Variants in SMYD3 observed in about 807,000 individuals in gnomAD.
The protein encoded by SMYD3 is histone-lysine N-methyltransferase SMYD3.
A neutral mutation model predicts 57.7 loss-of-function variants in SMYD3; 36 were observed. That is an observed-to-expected ratio of 0.62 (90% CI 0.48 to 0.82). SMYD3 has a LOEUF of 0.82. Ranked by LOEUF, SMYD3 falls within the 40% of genes least tolerant of loss-of-function variation. The pLI is 0.00. For synonymous variants in SMYD3, 211 were observed against 195.0 expected, an observed-to-expected ratio of 1.08 and a Z score of -0.68; for missense variants, 515 against 538.8, an observed-to-expected ratio of 0.96 and a Z score of 0.44.
intron 5 of SMYD3, among the ~76,000 whole-genome samples, chr1:245,961,254 G>C (rs529014990): frequency 6.6e-6 from 1 of 152,120 alleles, no homozygotes; most frequent in Non-Finnish European, 1.5e-5. Context: ...CTCATTTCTA[G>C]GAACATAATT....
At chr1:245,897,696 A>C (rs1441336099) in intron 8 of SMYD3, among the ~76,000 whole-genome samples, 3 of 152,140 alleles carry the variant, frequency 2.0e-5, no homozygotes, top group Non-Finnish European at 4.4e-5. Flanking sequence ...GGAGTTCGAG[A>C]CCAGCCTGGC....
chr1:245,749,877 T>C (rs1347146028), intron 11 of SMYD3, among the ~76,000 whole-genome samples: 1 of 152,172 alleles, frequency 6.6e-6, no homozygotes, highest in Non-Finnish European at 1.5e-5. Context: ...GCAGACTCAC[T>C]ATTCGAGTCA....
chr1:246,104,772 T>TA (rs139530900), intron 5 of SMYD3, among the ~76,000 whole-genome samples: 3,178 of 150,266 alleles, frequency 0.021, 134 homozygotes, highest in East Asian at 0.15. Flanking sequence ...CTCCCCATGA[T>TA]AAAAAAAAAA....
chr1:246,466,532 G>A (rs536998829), intron 1 of SMYD3, among the ~76,000 whole-genome samples: 10 of 152,184 alleles, frequency 6.6e-5, no homozygotes, highest in Non-Finnish European at 1.5e-4. Flanking sequence ...CTTGAGGGTG[G>A]AGGTTGGAAG....
At chr1:245,773,511 T>G (rs1176266461) in intron 10 of SMYD3, among the ~76,000 whole-genome samples, 1 of 152,224 alleles carries the variant, frequency 6.6e-6, no homozygotes, top group African/African-American at 2.4e-5. Context: ...AGGGGCTGTG[T>G]GGATGGCCCT....
rs572265720 is a variant in SMYD3 at position 245,789,764 on chromosome 1, A to G, written c.1077-25615T>C. 1.8e-4 allele frequency among the ~76,000 whole-genome samples: 27 copies of G among 152,330 alleles called. No individual in the cohort carries two copies. The South Asian group carries it at 5.4e-3, about 30-fold the overall frequency. On this transcript the variant is annotated intron_variant, in intron 10 of 11. Transcript: ENST00000490107. ...AACATTGTTGGGACAAAGATGGTCTATGGGTTAATGGATTTCCCTGCTCAG... is the reference window on the plus strand; with the variant it reads ...AACATTGTTGGGACAAAGATGGTCTGTGGGTTAATGGATTTCCCTGCTCAG...
chr1:246,323,908 T>C (rs1016021995), intron 5 of SMYD3, among the ~76,000 whole-genome samples: 30 of 150,546 alleles, frequency 2.0e-4, no homozygotes, highest in East Asian at 3.8e-4. Context: ...AGAAAGAACA[T>C]CTGTGTGAAC....
intron 5 of SMYD3, among the ~76,000 whole-genome samples, chr1:246,246,364 T>C (rs1166990408): frequency 6.6e-6 from 1 of 152,200 alleles, no homozygotes; most frequent in African/African-American, 2.4e-5. Context: ...TGAGATTCTA[T>C]GTGGATTGTA....
chr1:246,481,117 T>C (rs2068093572), intron 1 of SMYD3, among the ~76,000 whole-genome samples: 1 of 152,100 alleles, frequency 6.6e-6, no homozygotes, highest in Admixed American at 6.6e-5. Flanking sequence ...GATCTCAAGT[T>C]CTATAATAAC....
chr1:246,143,102 A>G (rs2061783970), intron 5 of SMYD3, among the ~76,000 whole-genome samples: 1 of 150,360 alleles, frequency 6.7e-6, no homozygotes, highest in Admixed American at 6.7e-5. Context: ...ATCTTTTTTA[A>G]TGGAAATACA....
At chr1:246,381,956 G>GCTGA (rs1454012930) in intron 1 of SMYD3, among the ~76,000 whole-genome samples, 1 of 144,994 alleles carries the variant, frequency 6.9e-6, no homozygotes, top group Admixed American at 6.9e-5. Context: ...GATCCCTCCA[G>GCTGA]CTGACACCTA....
intron 5 of SMYD3, among the ~76,000 whole-genome samples, chr1:246,225,612 T>G (rs2063320162): frequency 6.6e-6 from 1 of 152,070 alleles, no homozygotes; most frequent in Non-Finnish European, 1.5e-5. Flanking sequence ...CAACAGAAGT[T>G]ACGGAAAGAC....
chr1:246,082,823 C>G (rs1420746176), intron 5 of SMYD3, among the ~76,000 whole-genome samples: 4 of 152,092 alleles, frequency 2.6e-5, no homozygotes, highest in Admixed American at 6.5e-5. Flanking sequence ...TACCCCCAAC[C>G]CTGTGCTCCC....
intron 5 of SMYD3, among the ~76,000 whole-genome samples, chr1:246,194,989 A>C (rs1225479534): frequency 6.6e-6 from 1 of 152,220 alleles, no homozygotes; most frequent in African/African-American, 2.4e-5. Flanking sequence ...CACCACTGCC[A>C]GTTTCTACGC....
At chr1:246,421,080 C>T (rs1042272692) in intron 1 of SMYD3, among the ~76,000 whole-genome samples, 1 of 152,164 alleles carries the variant, frequency 6.6e-6, no homozygotes, top group Non-Finnish European at 1.5e-5. Flanking sequence ...TAAGGGTCAA[C>T]ACTGTTTGCA....
chr1:246,367,401 G>A (rs1175642376), intron 1 of SMYD3, among the ~76,000 whole-genome samples: 2 of 152,202 alleles, frequency 1.3e-5, no homozygotes, highest in African/African-American at 4.8e-5. Flanking sequence ...CAGAAATTGT[G>A]CATATTTTAA....
At chr1:246,506,988 C>CCCCCCCCCCCCCCCCCCCCCCCCCA in intron 1 of SMYD3, 66 bp downstream of exon 1, 2 of 760,452 alleles carry the variant, frequency 2.6e-6, no homozygotes, top group Admixed American at 5.8e-5. Flanking sequence ...GGCCGCCCGA[C>CCCCCCCCCCCCCCCCCCCCCCCCCA]GCCCCCCCCT....
chr1:246,246,380 A>G (rs939728514), intron 5 of SMYD3, among the ~76,000 whole-genome samples: 1 of 152,148 alleles, frequency 6.6e-6, no homozygotes, highest in Non-Finnish European at 1.5e-5. Flanking sequence ...TTGTAAAAAT[A>G]TATTTTTCTA....
intron 5 of SMYD3, chr1:246,035,421 C>T (rs1055978700): frequency 5.9e-5 from 9 of 152,184 alleles, no homozygotes; most frequent in African/African-American, 1.7e-4. Flanking sequence ...CACAGCCCCG[C>T]GGCACAGTTC....
Sources: gnomAD v4.1 joint callset for allele counts (sites outside exome capture counted in the v4.1 genomes callset) on GRCh38, gnomAD v4.1.1 for gene constraint, MANE v1.5 for transcripts, NCBI Gene and HGNC (gene_info 2026-07-23, HGNC 2026-07-21) for gene names.